Variants in STS observed in about 807,000 individuals in gnomAD.
STS encodes the protein steryl-sulfatase.
In STS, 7 loss-of-function variants were observed where a neutral mutation model predicts 26.8. The ratio of observed to expected loss-of-function variants is 0.26; its 90% CI spans 0.15 to 0.49. The LOEUF (loss-of-function observed/expected upper bound fraction) is 0.49, where lower values mean the gene tolerates loss of function less well. Among genes scored for constraint, STS ranks in the 20% least tolerant of loss-of-function variants. The pLI, the probability that STS is intolerant of heterozygous loss-of-function variation, is 0.98. For synonymous variants in STS, 199 were observed against 189.4 expected (o/e 1.05, Z -0.42); for missense variants, 434 against 465.6 (o/e 0.93, Z 0.63).
At chrX:7,340,215 C>T (rs1428143000) in intron 10 of STS, among the ~76,000 whole-genome samples, 1 of 110,903 alleles carries the variant, frequency 9.0e-6, no homozygotes, top group Non-Finnish European at 1.9e-5. Flanking sequence ...CATTGATTTT[C>T]TACAGTATTT....
chrX:7,152,119 GT>G lies in STS; in HGVS notation c.-134+4042del, dbSNP rs1331884560. On this transcript the variant is annotated intron_variant, in intron 1 of 10. Transcript: ENST00000674429. ...AGGCACCCGCCACTATGCCTGGCTA[GT>G]TTTTTGTATTTTTAGTAGAGACGGG... 3.7e-5 allele frequency among the ~76,000 whole-genome samples: 4 copies of G among 108,721 alleles called. No individual in the cohort carries two copies. The Admixed American group carries it at 3.9e-4, about 11-fold the overall frequency. 94.4% of individuals were successfully genotyped at this position (108,721 alleles called of 115,157 possible).
intron 5 of STS, among the ~76,000 whole-genome samples, chrX:7,258,135 T>C (rs1251102632): frequency 1.9e-5 from 2 of 105,831 alleles, no homozygotes; most frequent in African/African-American, 7.0e-5. Context: ...GATAGATAGA[T>C]AGATAGATAG....
chrX:7,188,140 A>T (rs1171849575), intron 1 of STS, among the ~76,000 whole-genome samples: 1 of 112,106 alleles, frequency 8.9e-6, no homozygotes, highest in East Asian at 2.8e-4. Flanking sequence ...AGGAATCACC[A>T]TAGTTACTAG....
In STS at chrX:7,301,107, T is replaced by C. The variant is rs760058156; in HGVS notation, c.944-3939T>C. Among the ~76,000 whole-genome samples, 250 of 109,934 alleles carry C rather than the reference T, an allele frequency of 2.3e-3. 1 individual carries two copies. Among genetic ancestry groups the C allele is most frequent in the Non-Finnish European group, 3.4e-3 (179 of 52,685 alleles). ...ATGAATGCATGAGGAAGTCTAGGAG[T>C]CAAAACTGCATTTGAAAGGCATTTA... is the stretch of plus-strand genomic sequence containing the variant. On this transcript the variant is annotated intron_variant, in intron 7 of 10. Transcript: ENST00000674429.
At chrX:7,224,307 A>G (rs1451569095) in intron 2 of STS, among the ~76,000 whole-genome samples, 1 of 111,765 alleles carries the variant, frequency 8.9e-6, no homozygotes, top group Non-Finnish European at 1.9e-5. Context: ...GCACAGGGGT[A>G]GGGTTAGTCC....
chrX:7,324,899 C>G (rs780082520), intron 8 of STS, among the ~76,000 whole-genome samples: 28 of 111,829 alleles, frequency 2.5e-4, no homozygotes, highest in Non-Finnish European at 4.7e-4. Context: ...TTTAAAGTCC[C>G]TTTTGCCATA....
chrX:7,303,361 G>T (rs1202116378), intron 7 of STS, among the ~76,000 whole-genome samples: 1 of 111,048 alleles, frequency 9.0e-6, no homozygotes, highest in African/African-American at 3.3e-5. Flanking sequence ...AATACAGCAG[G>T]TTACTAAACC....
intron 2 of STS, among the ~76,000 whole-genome samples, chrX:7,210,231 G>A (rs753123173): frequency 2.9e-4 from 32 of 110,770 alleles, no homozygotes; most frequent in Non-Finnish European, 4.7e-4. Context: ...ACTAATTTAC[G>A]TTCCCACCAA....
At chrX:7,345,140 C>A (rs1215822663) in intron 10 of STS, among the ~76,000 whole-genome samples, 1 of 111,054 alleles carries the variant, frequency 9.0e-6, no homozygotes, top group African/African-American at 3.3e-5. Context: ...GACCCTGTTC[C>A]CGGACCAAAC....
intron 1 of STS, chrX:7,148,331 AC>A (rs1932931082): frequency 3.9e-6 from 1 of 257,313 alleles, no homozygotes; most frequent in Non-Finnish European, 6.9e-6. Flanking sequence ...GTAGCTGCAG[AC>A]CCGGGATGCG....
chrX:7,251,201 A>T (rs1923123996), intron 2 of STS, among the ~76,000 whole-genome samples: 1 of 111,460 alleles, frequency 9.0e-6, no homozygotes, highest in South Asian at 3.8e-4. Flanking sequence ...CAGCCTCTGT[A>T]ATTATGTGGG....
intron 8 of STS, among the ~76,000 whole-genome samples, chrX:7,319,929 A>T (rs1306392456): frequency 1.0e-5 from 1 of 96,902 alleles, no homozygotes; most frequent in Non-Finnish European, 2.0e-5. Flanking sequence ...CAACTATTTT[A>T]TATATATATA....
chrX:7,249,988 C>A lies in STS; in HGVS notation c.-4-3208C>A, dbSNP rs184984104. ...TGTCAACTAGGCCAGAGTACAGTGG[C>A]GCCATCAGAGCTCACTGTAGTCTCG... is the stretch of plus-strand genomic sequence containing the variant. On this transcript the variant is annotated intron_variant, in intron 2 of 10. Transcript: ENST00000674429. Among the ~76,000 whole-genome samples the A allele has an allele frequency of 6.3e-5, 7 of 110,931 alleles. 1 individual carries two copies. The highest frequency in any genetic ancestry group is 3.9e-4 in the South Asian group (1 of 2,583).
intron 9 of STS, 93 bp downstream of exon 9, chrX:7,325,591 G>T: frequency 1.9e-6 from 2 of 1,052,532 alleles, no homozygotes; most frequent in Non-Finnish European, 2.7e-6. Context: ...GGGGACCAAG[G>T]CCTTTGGCCC....
At chrX:7,332,093 T>C (rs1367138198) in intron 9 of STS, among the ~76,000 whole-genome samples, 3 of 110,485 alleles carry the variant, frequency 2.7e-5, no homozygotes, top group African/African-American at 9.9e-5. Flanking sequence ...AGTTATCAAA[T>C]ACTGATCTTG....
intron 2 of STS, among the ~76,000 whole-genome samples, chrX:7,252,522 G>A (rs961130685): frequency 4.5e-5 from 5 of 111,624 alleles, no homozygotes; most frequent in Non-Finnish European, 7.5e-5. Flanking sequence ...TCAAGAGTGA[G>A]AAGAGAGGCA....
chrX:7,246,780 A>G (rs2147075026), intron 2 of STS, among the ~76,000 whole-genome samples: 1 of 112,561 alleles, frequency 8.9e-6, no homozygotes, highest in African/African-American at 3.2e-5. Flanking sequence ...GTCTTAGGCC[A>G]GCATGAAGCC....
chrX:7,277,788 C>T (rs1469549222), intron 7 of STS, among the ~76,000 whole-genome samples: 1 of 112,457 alleles, frequency 8.9e-6, no homozygotes, highest in African/African-American at 3.2e-5. Context: ...TATACCAATA[C>T]AAGCCTGCCT....
chrX:7,325,244 G>A (rs1927364766), intron 8 of STS, 95 bp from the exon 9 acceptor site: 2 of 931,537 alleles, frequency 2.1e-6, no homozygotes, highest in African/African-American at 3.9e-5. Flanking sequence ...AGAGCAGTTG[G>A]TTCTTCTACA....
Sources: gnomAD v4.1 joint callset for allele counts (sites outside exome capture counted in the v4.1 genomes callset) on GRCh38, gnomAD v4.1.1 for gene constraint, MANE v1.5 for transcripts, NCBI Gene and HGNC (gene_info 2026-07-23, HGNC 2026-07-21) for gene names.